CUL7: variants seen among roughly 807,000 people sequenced by gnomAD.
The protein encoded by CUL7 is cullin-7.
In CUL7, 96 loss-of-function variants were observed where a neutral mutation model predicts 177.7. The ratio of observed to expected loss-of-function variants is 0.54; its 90% confidence interval spans 0.46 to 0.64. CUL7 has a LOEUF of 0.64. Among genes scored for constraint, CUL7 ranks in the 30% least tolerant of loss-of-function variants. The probability of loss-of-function intolerance (pLI) is 0.00; values close to 1 mark genes in which losing one functional copy is unlikely to be tolerated. For synonymous variants in CUL7, 824 were observed against 890.2 expected, an observed-to-expected ratio of 0.93 and a Z score of 1.32; for missense variants, 1,893 against 2,187.9, an observed-to-expected ratio of 0.87 and a Z score of 2.69.
chr6:43,053,726 G>C lies in CUL7; in HGVS notation c.-113C>G. ...TGGGCCCCACCTGGGCCCCGCGAGG[G>C]GGTCGAGACGGAGAGACGGGAGGGG... On this transcript the variant is annotated 5_prime_UTR_variant, in exon 1 of 26. Transcript: ENST00000265348. The surrounding 1 kb of genome is among the most constrained non-coding windows in gnomAD (Gnocchi z 4.1). 1.4e-6 allele frequency: 2 copies of C among 1,457,066 alleles called. No homozygotes were observed. The highest frequency in any genetic ancestry group is 1.8e-6 in the Non-Finnish European group (2 of 1,108,126). 90.3% of individuals were successfully genotyped at this position (1,457,066 alleles called of 1,614,324 possible).
chr6:43,052,860 T>C lies in CUL7; in HGVS notation c.-8-64A>G. 6.6e-7 allele frequency: 1 copy of C among 1,524,764 alleles called. No individual in the cohort carries two copies. The highest frequency in any genetic ancestry group is 8.8e-7 in the Non-Finnish European group (1 of 1,130,340). The allele number at this position is 1,524,764 out of a possible 1,614,324, so 94.5% of individuals were successfully genotyped here. On this transcript the variant is annotated intron_variant, in intron 1 of 25. Coordinates refer to ENST00000265348, the MANE Select transcript of CUL7 (RefSeq NM_014780.5). This position sits in a 1 kb window ranked among gnomAD's most constrained non-coding sequence, Gnocchi z 4.5. ...GAAGGAGAGGTCAGAAAATCAAAGA[T>C]ATCCAGGAGGTGGGGAAGCAAATGG...
Position 43,040,113 on chromosome 6 carries a change from C to A in CUL7, c.4294+43G>T, listed in dbSNP as rs1561873375. On this transcript the variant is annotated intron_variant, in intron 22 of 25. Coordinates refer to ENST00000265348, the MANE Select transcript of CUL7 (RefSeq NM_014780.5). The surrounding 1 kb of genome is among the most constrained non-coding windows in gnomAD (Gnocchi z 4.2). ...CAACCCCAGGTCCTTTCCTAGCAGC[C>A]CACCCTCTCCCCAGTCCCCAGTCCC... 6.2e-7 allele frequency: 1 copy of A among 1,613,254 alleles called. No homozygotes were observed. Among genetic ancestry groups the A allele is most frequent in the East Asian group, 2.2e-5 (1 of 44,870 alleles).
intron 24 of CUL7, 36 bp from the exon 25 acceptor site, chr6:43,038,508 C>T (rs1245880745): frequency 2.5e-6 from 4 of 1,613,482 alleles, no homozygotes; most frequent in Middle Eastern, 3.3e-4. Flanking sequence ...CAGTGGAGAG[C>T]CCACGAGGAG....
At chr6:43,042,742 G>A in intron 19 of CUL7, 60 bp downstream of exon 19, 2 of 1,088,652 alleles carry the variant, frequency 1.8e-6, no homozygotes, top group South Asian at 2.6e-5. Context: ...ATTTGGAGGA[G>A]GTGAGGAAGG....
Position 43,051,105 on chromosome 6 carries a change from C to A in CUL7, c.1096G>T (p.Gly366Cys). Residue 366 changes from glycine to cysteine, a missense_variant, in exon 4 of 26, where the codon GGC (glycine) becomes TGC (cysteine). By Grantham distance (159) the Gly-to-Cys change is radical (BLOSUM62 -3). Coordinates refer to ENST00000265348, the MANE Select transcript of CUL7 (RefSeq NM_014780.5). This position sits in a 1 kb window ranked among gnomAD's most constrained non-coding sequence, Gnocchi z 5.0. ...RFRPRSEFAS[G>C]NTYALYVRDT... ...CGCACATACAAAGCATAGGTATTGC[C>A]ACTTGCGAACTCAGAACGAGGGCGA... The A allele has an allele frequency of 6.2e-7, 1 of 1,614,216 alleles. No individual in the cohort carries two copies. The highest frequency in any genetic ancestry group is 8.5e-7 in the Non-Finnish European group (1 of 1,180,040).
chr6:43,043,424 C>T lies in CUL7; in HGVS notation c.3355+24G>A. ...AGGAAAACGCTCCTGACTAGAGCTC[C>T]CCACCTGAATCTCCACTACTCACTG... On this transcript the variant is annotated intron_variant, in intron 17 of 25. Transcript: ENST00000265348. The surrounding 1 kb of genome is among the most constrained non-coding windows in gnomAD (Gnocchi z 4.2). 1 of 1,612,200 alleles carries T rather than the reference C, an allele frequency of 6.2e-7. No individual in the cohort carries two copies. Among genetic ancestry groups the T allele is most frequent in the Non-Finnish European group, 8.5e-7 (1 of 1,179,052 alleles).
At position 43,043,173 on chromosome 6, in the gene CUL7, T is replaced by C. The variant is rs1378770903; in HGVS notation, c.3363A>G (p.Arg1121=). The C allele has an allele frequency of 6.2e-7, 1 of 1,613,704 alleles. No individual in the cohort carries two copies. Among genetic ancestry groups the C allele is most frequent in the South Asian group, 1.1e-5 (1 of 91,074 alleles). The change falls in exon 18 of 26, where the codon AGA becomes AGG. Residue 1121 remains arginine, a synonymous_variant. Transcript: ENST00000265348. The surrounding 1 kb of genome is among the most constrained non-coding windows in gnomAD (Gnocchi z 4.2). ...AGGAGCTCCAGTCGTGGCTTCTGTTTCTGCCTTCTGTAGAGACCAAGAAAG... is the reference window on the plus strand; with the variant it reads ...AGGAGCTCCAGTCGTGGCTTCTGTTCCTGCCTTCTGTAGAGACCAAGAAAG... ...PVVATPRPKG[R]NRSHDWSSLA...
Position 43,047,124 on chromosome 6 carries a change from G to A in CUL7, c.2170-17C>T, listed in dbSNP as rs1226646545. 3 of 1,471,252 alleles carry A rather than the reference G, an allele frequency of 2.0e-6. No homozygotes were observed. The highest frequency in any genetic ancestry group is 2.8e-5 in the African/African-American group (2 of 72,118). 91.1% of individuals were successfully genotyped at this position (1,471,252 alleles called of 1,614,324 possible). On this transcript the variant is annotated splice_polypyrimidine_tract_variant and intron_variant, in intron 9 of 25. Transcript: ENST00000265348. ...CTGGAGCACCTGGGTGGGGACATAA[G>A]GGAGGAGATGAATGAAGACAGGGCG...
Position 43,050,851 on chromosome 6 carries a change from A to G in CUL7, c.1233+117T>C, listed in dbSNP as rs182237913. ...ACTACTGACTCTTTTCACCATTCCA[A>G]TCTTACCTAAAGCTTTCTCTTTGGG... On this transcript the variant is annotated intron_variant, in intron 4 of 25. Coordinates refer to ENST00000265348, the MANE Select transcript of CUL7 (RefSeq NM_014780.5). This position sits in a 1 kb window ranked among gnomAD's most constrained non-coding sequence, Gnocchi z 4.1. The G allele has an allele frequency of 5.2e-4, 693 of 1,328,942 alleles. 7 individuals carry two copies. In the East Asian group the frequency reaches 0.014, roughly 26 times the overall value. The allele number at this position is 1,328,942 out of a possible 1,614,324, so 82.3% of individuals were successfully genotyped here. A position where few individuals can be genotyped will look rare whatever the true frequency, so the allele number is the denominator to read the frequency against.
chr6:43,046,929 G>A lies in CUL7; in HGVS notation c.2348C>T (p.Ala783Val). 1 of 1,612,840 alleles carries A rather than the reference G, an allele frequency of 6.2e-7. No individual in the cohort carries two copies. Among genetic ancestry groups the A allele is most frequent in the Non-Finnish European group, 8.5e-7 (1 of 1,178,868 alleles). ...RDMVFKCEKH[A>V]HLYRKLITNI... The stretch of plus-strand genomic sequence containing the variant: ...GGTGATGAGTTTGCGGTAGAGGTGG[G>A]CATGCTTCTCACACTTGAACACCAT... The change falls in exon 10 of 26, where the codon GCC (alanine) becomes GTC (valine). Residue 783 changes from alanine to valine, a missense_variant. Physicochemically the swap from Ala to Val is moderately conservative, Grantham distance 64. Coordinates refer to ENST00000265348, the MANE Select transcript of CUL7 (RefSeq NM_014780.5).
chr6:43,049,305 G>T, intron 7 of CUL7, 102 bp downstream of exon 7: 1 of 1,472,722 alleles, frequency 6.8e-7, no homozygotes, highest in Non-Finnish European at 9.4e-7. Context: ...CTTCTAAGGT[G>T]GCATCACTTC....
Position 43,048,466 on chromosome 6 carries a change from G to A in CUL7, c.1929C>T (p.Ser643=). Residue 643 remains serine, a synonymous_variant, in exon 8 of 26, where the codon AGC becomes AGT. Coordinates refer to ENST00000265348, the MANE Select transcript of CUL7 (RefSeq NM_014780.5). ...CCTTGTTCTCCTGGGTCCCCTCTGAGCTGAGGGCTTGCTCTAGATCCAGGA... is the reference window on the plus strand; with the variant it reads ...CCTTGTTCTCCTGGGTCCCCTCTGAACTGAGGGCTTGCTCTAGATCCAGGA... ...KILLDLEQAL[S]SEGTQENKVK... 1 of 1,614,076 alleles carries A rather than the reference G, an allele frequency of 6.2e-7. No homozygotes were observed. The highest frequency in any genetic ancestry group is 1.3e-5 in the African/African-American group (1 of 75,028).
chr6:43,050,057 G>T lies in CUL7; in HGVS notation c.1475C>A (p.Ala492Asp). 6.2e-7 allele frequency: 1 copy of T among 1,614,152 alleles called. No homozygotes were observed. Among genetic ancestry groups the T allele is most frequent in the Non-Finnish European group, 8.5e-7 (1 of 1,180,010 alleles). ...GAAGAAGAGGAGTTCCCACCACTCA[G>T]CCAGGGTCAGGTGTTCACACTCCTC... ...DTEECEHLTL[A>D]EWWELLFFIK... The change falls in exon 6 of 26, where the codon GCT (alanine) becomes GAT (aspartate). Residue 492 changes from alanine to aspartate, a missense_variant. Ala to Asp is a moderately radical substitution (Grantham distance 126, BLOSUM62 -2). This residue lies in a region of CUL7 where 653 missense variants were observed against 725.2 expected (regional missense o/e 0.90). Coordinates refer to ENST00000265348, the MANE Select transcript of CUL7 (RefSeq NM_014780.5). This position sits in a 1 kb window ranked among gnomAD's most constrained non-coding sequence, Gnocchi z 4.1.
In CUL7 at chr6:43,038,355, T is replaced by G; in HGVS notation, c.4685A>C (p.Lys1562Thr). ...GAGGCAGTTCAGAAGATTCCGTCTCTTCTCCAAGTTCTGGCCGTCTTCACC... is the reference window on the plus strand; with the variant it reads ...GAGGCAGTTCAGAAGATTCCGTCTCGTCTCCAAGTTCTGGCCGTCTTCACC... ...AEGEDGQNLE[K>T]RRNLLNCLIV... Residue 1562 changes from lysine to threonine, a missense_variant, in exon 25 of 26, where the codon AAG becomes ACG. Around this residue, in one of 5 missense-constraint regions of CUL7, gnomAD observed 248 missense variants for 262.5 expected, o/e 0.94. Coordinates refer to ENST00000265348, the MANE Select transcript of CUL7 (RefSeq NM_014780.5). 1 of 1,614,222 alleles carries G rather than the reference T, an allele frequency of 6.2e-7. No homozygotes were observed. Among genetic ancestry groups the G allele is most frequent in the Non-Finnish European group, 8.5e-7 (1 of 1,180,038 alleles).
Position 43,043,215 on chromosome 6 carries a change from G to A in CUL7, c.3356-35C>T. 3.9e-6 allele frequency: 6 copies of A among 1,556,462 alleles called. No individual in the cohort carries two copies. Among genetic ancestry groups the A allele is most frequent in the Non-Finnish European group, 5.3e-6 (6 of 1,130,384 alleles). ...CCAAGAAAGTGGCAGAGGCAAGGAG[G>A]GTGCAGCCCCTCCACTCCCAAGTCC... On this transcript the variant is annotated intron_variant, in intron 17 of 25. Coordinates refer to ENST00000265348, the MANE Select transcript of CUL7 (RefSeq NM_014780.5). This position sits in a 1 kb window ranked among gnomAD's most constrained non-coding sequence, Gnocchi z 4.2.
chr6:43,042,087 G>A (rs2150314111), intron 19 of CUL7, among the ~76,000 whole-genome samples: 1 of 148,874 alleles, frequency 6.7e-6, no homozygotes, highest in Middle Eastern at 3.5e-3. Context: ...GGGAGGGAGG[G>A]AGAGAAGGAG....
Position 43,050,710 on chromosome 6 carries a change from G to C in CUL7, c.1233+258C>G, listed in dbSNP as rs1167914132. ...CTGGCCTCCACCACTCCATCTCCCT[G>C]ACCCTGACCTTTGGAGGAGTCTGGC... On this transcript the variant is annotated intron_variant, in intron 4 of 25. Coordinates refer to ENST00000265348, the MANE Select transcript of CUL7 (RefSeq NM_014780.5). This position sits in a 1 kb window ranked among gnomAD's most constrained non-coding sequence, Gnocchi z 4.1. 6.6e-6 allele frequency among the ~76,000 whole-genome samples: 1 copy of C among 151,708 alleles called. No individual in the cohort carries two copies. The highest frequency in any genetic ancestry group is 2.4e-5 in the African/African-American group (1 of 41,260).
At chr6:43,046,487 A>G (rs903291054) in intron 11 of CUL7, 24 bp downstream of exon 11, 3 of 1,613,998 alleles carry the variant, frequency 1.9e-6, no homozygotes, top group South Asian at 2.2e-5. Context: ...GGGGAGGTGG[A>G]GCAACACGGC....
At position 43,041,091 on chromosome 6, in the gene CUL7, G is replaced by A. The variant is rs751039118; in HGVS notation, c.3646-16C>T. 1.9e-6 allele frequency: 3 copies of A among 1,613,080 alleles called. No homozygotes were observed. The highest frequency in any genetic ancestry group is 2.7e-5 in the African/African-American group (2 of 74,912). ...GCTCACTCACCTGAGCAATGGCAGA[G>A]CACAGGAAAGCCATGAATGAGCGAG... On this transcript the variant is annotated splice_polypyrimidine_tract_variant and intron_variant, in intron 19 of 25. Coordinates refer to ENST00000265348, the MANE Select transcript of CUL7 (RefSeq NM_014780.5).
Sources: allele counts gnomAD v4.1 joint callset (sites outside exome capture counted in the v4.1 genomes callset), GRCh38; gene constraint gnomAD v4.1.1; regional missense constraint gnomAD v4.1.1; non-coding constraint Gnocchi (gnomAD v3.1); transcripts MANE v1.5; gene names NCBI Gene and HGNC (gene_info 2026-07-23, HGNC 2026-07-21).